Variants in AHDC1 observed in about 807,000 individuals in gnomAD.
AHDC1 encodes the protein transcription factor Gibbin.
In AHDC1, 7 loss-of-function variants were observed where a neutral mutation model predicts 87.9. That is an observed-to-expected ratio of 0.08 (90% CI 0.05 to 0.15). The LOEUF (loss-of-function observed/expected upper bound fraction) is 0.15. Ranked by LOEUF, AHDC1 falls within the 10% of genes least tolerant of loss-of-function variation. The probability of loss-of-function intolerance (pLI) is 1.00; values close to 1 mark genes in which losing one functional copy is unlikely to be tolerated. For synonymous variants in AHDC1, 1,051 were observed against 1,006.8 expected (o/e 1.04, Z -0.83); for missense variants, 1,841 against 2,253.2 (o/e 0.82, Z 3.70).
At position 27,593,450 on chromosome 1, in the gene AHDC1, A is replaced by G. The variant is rs1158441928; in HGVS notation, c.-629+9947T>C. 1.3e-5 allele frequency among the ~76,000 whole-genome samples: 2 copies of G among 152,166 alleles called. No homozygotes were observed. The highest frequency in any genetic ancestry group is 1.3e-4 in the Admixed American group (2 of 15,282). On this transcript the variant is annotated intron_variant, in intron 3 of 8. Transcript: ENST00000673934. The surrounding 1 kb of genome is among the most constrained non-coding windows in gnomAD (Gnocchi z 4.9). Reference sequence around the variant, plus strand: ...GCTGGGACCCAGGTCCCTGGTGTCCATGGGCAAAGATGGACCCATTCTCAG... The same window carrying G: ...GCTGGGACCCAGGTCCCTGGTGTCCGTGGGCAAAGATGGACCCATTCTCAG...
chr1:27,587,680 C>T (rs2089099493), intron 3 of AHDC1, among the ~76,000 whole-genome samples: 1 of 152,122 alleles, frequency 6.6e-6, no homozygotes, highest in Admixed American at 6.5e-5. Flanking sequence ...GGCACAGTAC[C>T]CAGCCCTCAG....
rs751753226 is a variant in AHDC1 at position 27,548,750 on chromosome 1, C to T, written c.3366G>A (p.Glu1122=). 2 of 1,613,146 alleles carry T rather than the reference C, an allele frequency of 1.2e-6. No individual in the cohort carries two copies. The highest frequency in any genetic ancestry group is 1.3e-5 in the African/African-American group (1 of 74,938). ...TGGGATTGTAGAGCTGACTAAAGGC[C>T]TCTGAGGCCCAGTCCAGGCCTCCAT... ...QGYGGLDWAS[E]AFSQLYNPSF... is the part of the protein sequence containing the mutation. Residue 1122 remains glutamate (E), a synonymous_variant, in exon 8 of 9, where the codon GAG becomes GAA. Transcript: ENST00000673934.
intron 5 of AHDC1, among the ~76,000 whole-genome samples, chr1:27,556,908 C>T (rs1230492712): frequency 1.3e-5 from 2 of 152,070 alleles, no homozygotes; most frequent in Admixed American, 6.5e-5. Flanking sequence ...TACTCTCCCT[C>T]GCCACTAGGT....
chr1:27,547,862 C>A lies in AHDC1; in HGVS notation c.4254G>T (p.Lys1418Asn), dbSNP rs547570973. ...GCTTGAGGGGCTCGCAGGCAGCCAG[C>A]TTTGTGGGCGGTGGCCGCAGCTCTT... Reference protein sequence around the residue: ...FKEELRPPPTKLAACEPLKHG... With the variant: ...FKEELRPPPTNLAACEPLKHG... Residue 1418 changes from lysine (K) to asparagine (N), a missense_variant, in exon 8 of 9, where the codon AAG (lysine) becomes AAT (asparagine). By Grantham distance (94) the Lys-to-Asn change is moderately conservative. Coordinates refer to ENST00000673934, the MANE Select transcript of AHDC1 (RefSeq NM_001371928.1). This position sits in a 1 kb window ranked among gnomAD's most constrained non-coding sequence, Gnocchi z 4.9. 16 of 1,548,982 alleles carry A rather than the reference C, an allele frequency of 1.0e-5. No individual in the cohort carries two copies. In the South Asian group the frequency reaches 1.8e-4, roughly 18 times the overall value.
In AHDC1 at chr1:27,566,947, G is replaced by A. The variant is rs947227080; in HGVS notation, c.-628-8064C>T. Among the ~76,000 whole-genome samples, 8 of 152,060 alleles carry A rather than the reference G, an allele frequency of 5.3e-5. No individual in the cohort carries two copies. The South Asian group carries it at 6.2e-4, about 12-fold the overall frequency. ...GGGCTGAGGCAGAAAGGCAGGGTAAGGAAGAAGCCTCGCCCCTGCCCTCGG... is the reference window on the plus strand; with the variant it reads ...GGGCTGAGGCAGAAAGGCAGGGTAAAGAAGAAGCCTCGCCCCTGCCCTCGG... On this transcript the variant is annotated intron_variant, in intron 3 of 8. Transcript: ENST00000673934.
Position 27,551,220 on chromosome 1 carries a change from G to T in AHDC1, c.896C>A (p.Pro299His). 6.2e-7 allele frequency: 1 copy of T among 1,609,850 alleles called. No homozygotes were observed. The highest frequency in any genetic ancestry group is 2.2e-5 in the East Asian group (1 of 44,840). Residue 299 changes from proline (P) to histidine (H), a missense_variant, in exon 8 of 9, where the codon CCC (proline) becomes CAC (histidine). Physicochemically the swap from Pro to His is moderately conservative, Grantham distance 77. Coordinates refer to ENST00000673934, the MANE Select transcript of AHDC1 (RefSeq NM_001371928.1). ...EPLGEALELP[P>H]LQPLADPLGL... ...CAGAGGATCAGCAAGAGGTTGCAGGGGTGGCAGCTCCAGAGCTTCCCCGAG... is the reference window on the plus strand; with the variant it reads ...CAGAGGATCAGCAAGAGGTTGCAGGTGTGGCAGCTCCAGAGCTTCCCCGAG...
At chr1:27,602,991 C>CG (rs1167202369) in intron 3 of AHDC1, among the ~76,000 whole-genome samples, 1 of 140,484 alleles carries the variant, frequency 7.1e-6, no homozygotes, top group Non-Finnish European at 1.6e-5. Flanking sequence ...TTCATTCCCC[C>CG]CCCCCCCACA....
At position 27,565,914 on chromosome 1, in the gene AHDC1, C is replaced by A. The variant is rs150409729; in HGVS notation, c.-628-7031G>T. ...AGACTCACACTCTTGTTTCCTGGTGCCACACTCTCTGTAGGCTCTTCAACC... is the reference window on the plus strand; with the variant it reads ...AGACTCACACTCTTGTTTCCTGGTGACACACTCTCTGTAGGCTCTTCAACC... On this transcript the variant is annotated intron_variant, in intron 3 of 8. Coordinates refer to ENST00000673934, the MANE Select transcript of AHDC1 (RefSeq NM_001371928.1). This position sits in a 1 kb window ranked among gnomAD's most constrained non-coding sequence, Gnocchi z 4.6. Among the ~76,000 whole-genome samples, 8 of 152,292 alleles carry A rather than the reference C, an allele frequency of 5.3e-5. No homozygotes were observed. The highest frequency in any genetic ancestry group is 7.4e-5 in the Non-Finnish European group (5 of 68,016).
intron 8 of AHDC1, among the ~76,000 whole-genome samples, chr1:27,539,685 C>T (rs1038100032): frequency 1.3e-5 from 2 of 152,260 alleles, no homozygotes; most frequent in Admixed American, 1.3e-4. Flanking sequence ...ACCTCGTGAT[C>T]CACCCACCTC....
chr1:27,603,972 TCTG>T (rs1359324053), intron 1 of AHDC1, 109 bp from the exon 2 acceptor site: 2 of 147,990 alleles, frequency 1.4e-5, no homozygotes, highest in Non-Finnish European at 3.0e-5. Context: ...CCTCCTGCCT[TCTG>T]CTCTCTCCGC....
rs774922077 is a variant in AHDC1 at position 27,551,416 on chromosome 1, T to C, written c.700A>G (p.Thr234Ala). 9 of 1,613,398 alleles carry C rather than the reference T, an allele frequency of 5.6e-6. No individual in the cohort carries two copies. In the South Asian group the frequency reaches 8.8e-5, roughly 16 times the overall value. Residue 234 changes from threonine (T) to alanine (A), a missense_variant, in exon 8 of 9, where the codon ACT (threonine) becomes GCT (alanine). Thr to Ala is a moderately conservative substitution (Grantham distance 58). Transcript: ENST00000673934. Reference protein sequence around the residue: ...GLPPEPEPDSTDYSELADADI... With the variant: ...GLPPEPEPDSADYSELADADI... ...GCGTCAGCAAGTTCTGAGTAATCAGTGCTGTCTGGCTCAGGCTCTGGGGGC... is the reference window on the plus strand; with the variant it reads ...GCGTCAGCAAGTTCTGAGTAATCAGCGCTGTCTGGCTCAGGCTCTGGGGGC...
intron 8 of AHDC1, among the ~76,000 whole-genome samples, chr1:27,543,970 G>A (rs960505814): frequency 7.2e-5 from 11 of 152,192 alleles, no homozygotes; most frequent in Admixed American, 6.5e-4. Flanking sequence ...AAAGTGTAGG[G>A]ATTGTCCAAT....
rs1000055285 is a variant in AHDC1 at position 27,560,331 on chromosome 1, C to A, written c.-628-1448G>T. On this transcript the variant is annotated intron_variant, in intron 3 of 8. Transcript: ENST00000673934. The surrounding 1 kb of genome is among the most constrained non-coding windows in gnomAD (Gnocchi z 4.1). ...GGGTGTGAGCATGCCTGGGTGTGCA[C>A]ACGCTTTGCCTGGCTCTCTGCATCT... Among the ~76,000 whole-genome samples, 3 of 152,070 alleles carry A rather than the reference C, an allele frequency of 2.0e-5. No homozygotes were observed. The highest frequency in any genetic ancestry group is 4.4e-5 in the Non-Finnish European group (3 of 68,020).
At position 27,562,372 on chromosome 1, in the gene AHDC1, G is replaced by A. The variant is rs1461573928; in HGVS notation, c.-628-3489C>T. On this transcript the variant is annotated intron_variant, in intron 3 of 8. Transcript: ENST00000673934. The surrounding 1 kb of genome is among the most constrained non-coding windows in gnomAD (Gnocchi z 4.4). ...CTGAGCTCCCGGCCCGCGCAGAGCT[G>A]CCCCGATTAATCCTGTGGCTCCAGA... 6.6e-6 allele frequency among the ~76,000 whole-genome samples: 1 copy of A among 152,156 alleles called. No homozygotes were observed. Among genetic ancestry groups the A allele is most frequent in the African/African-American group, 2.4e-5 (1 of 41,416 alleles).
intron 5 of AHDC1, among the ~76,000 whole-genome samples, chr1:27,557,500 C>T (rs895014027): frequency 1.3e-5 from 2 of 152,094 alleles, no homozygotes; most frequent in African/African-American, 2.4e-5. Context: ...AGCAATTTGG[C>T]CACAAGGCTG....
chr1:27,564,614 C>G (rs1162152808), intron 3 of AHDC1, among the ~76,000 whole-genome samples: 2 of 152,212 alleles, frequency 1.3e-5, no homozygotes, highest in Non-Finnish European at 2.9e-5. Flanking sequence ...GGCTCCCCAC[C>G]TGGAGCTGTT....
chr1:27,557,829 T>C (rs1243633695), intron 5 of AHDC1, among the ~76,000 whole-genome samples: 1 of 152,062 alleles, frequency 6.6e-6, no homozygotes, highest in African/African-American at 2.4e-5. Flanking sequence ...TACACAGCCC[T>C]TGAACGCTCC....
intron 3 of AHDC1, among the ~76,000 whole-genome samples, chr1:27,576,445 G>A (rs1187852244): frequency 6.6e-6 from 1 of 152,204 alleles, no homozygotes; most frequent in Non-Finnish European, 1.5e-5. Context: ...CTAACACAGG[G>A]CACCTGCCCT....
At chr1:27,602,417 C>T (rs2089554609) in intron 3 of AHDC1, among the ~76,000 whole-genome samples, 3 of 152,186 alleles carry the variant, frequency 2.0e-5, no homozygotes, top group Non-Finnish European at 2.9e-5. Context: ...GGGAACCCCC[C>T]CAAGCTCCCA....
Sources: gnomAD v4.1 joint callset for allele counts (sites outside exome capture counted in the v4.1 genomes callset) on GRCh38, gnomAD v4.1.1 for gene constraint, Gnocchi (gnomAD v3.1) non-coding constraint, MANE v1.5 for transcripts, NCBI Gene and HGNC (gene_info 2026-07-23, HGNC 2026-07-21) for gene names.